Variants in TEAD1 observed in about 807,000 individuals in gnomAD.
TEAD1 encodes transcriptional enhancer factor TEF-1.
Under a neutral mutation model 54.9 loss-of-function variants are expected in TEAD1, and 9 were observed. The ratio of observed to expected loss-of-function variants is 0.16; its 90% CI spans 0.10 to 0.29. The LOEUF (loss-of-function observed/expected upper bound fraction) is 0.29. Among genes scored for constraint, TEAD1 ranks in the 10% least tolerant of loss-of-function variants. The pLI is 1.00. For synonymous variants in TEAD1, 200 were observed against 187.8 expected (o/e 1.07, Z -0.53); for missense variants, 387 against 535.9 (o/e 0.72, Z 2.74).
chr11:12,890,455 T>C (rs1233566947), intron 9 of TEAD1, among the ~76,000 whole-genome samples: 1 of 152,192 alleles, frequency 6.6e-6, no homozygotes, highest in East Asian at 1.9e-4. Context: ...CATGCTCTAG[T>C]GGCAGCAAAG....
Position 12,937,112 on chromosome 11 carries a change from G to T in TEAD1, c.1171G>T (p.Val391Leu), listed in dbSNP as rs1949116510. The change falls in exon 13 of 13, where the codon GTA (valine) becomes TTA (leucine). Residue 391 changes from valine (V) to leucine (L), a missense_variant. By Grantham distance (32) the Val-to-Leu change is conservative. Coordinates refer to ENST00000527636, the MANE Select transcript of TEAD1 (RefSeq NM_021961.6). ...TACTTTTTTTTTATCTTAACAGGTG[G>T]TAACAAACAGGGATACACAAGAAAC... 1 of 1,611,242 alleles carries T rather than the reference G, an allele frequency of 6.2e-7. No individual in the cohort carries two copies. Among genetic ancestry groups the T allele is most frequent in the African/African-American group, 1.3e-5 (1 of 74,906 alleles).
chr11:12,925,137 A>G (rs1001065804), intron 11 of TEAD1, 85 bp downstream of exon 11: 23 of 1,500,122 alleles, frequency 1.5e-5, no homozygotes, highest in Non-Finnish European at 2.1e-5. Context: ...AGAGAGTTGT[A>G]TTTTTGGATG....
rs10630085 is a variant in TEAD1 at position 12,792,355 on chromosome 11, TA to T, written c.202+27940del. On this transcript the variant is annotated intron_variant, in intron 3 of 12. Transcript: ENST00000527636. ...GAAAAGGAAAGTAAAGGGAAAATAG[TA>T]AAAAAAAAAAAAAAAAAAGTCCTAT... Among the ~76,000 whole-genome samples the T allele has an allele frequency of 9.0e-3, 883 of 98,622 alleles. 7 individuals carry two copies. The highest frequency in any genetic ancestry group is 0.024 in the African/African-American group (641 of 26,578). 64.7% of individuals were successfully genotyped at this position (98,622 alleles called of 152,430 possible).
At chr11:12,679,707 G>T (rs1943176003) in intron 2 of TEAD1, among the ~76,000 whole-genome samples, 1 of 151,694 alleles carries the variant, frequency 6.6e-6, no homozygotes, top group African/African-American at 2.4e-5. Flanking sequence ...CTCTGCTCTT[G>T]GATGGTGTTC....
chr11:12,881,274 G>C (rs1447430835), intron 7 of TEAD1, among the ~76,000 whole-genome samples: 1 of 152,122 alleles, frequency 6.6e-6, no homozygotes, highest in Non-Finnish European at 1.5e-5. Context: ...CCCACCTTAA[G>C]TATTAGCAGT....
chr11:12,755,841 G>A (rs1944973628), intron 2 of TEAD1, among the ~76,000 whole-genome samples: 1 of 152,130 alleles, frequency 6.6e-6, no homozygotes. Flanking sequence ...TCCTTTTGAA[G>A]GAGTCCACTG....
chr11:12,807,797 C>T (rs150144191), intron 3 of TEAD1, among the ~76,000 whole-genome samples: 1 of 152,252 alleles, frequency 6.6e-6, no homozygotes, highest in East Asian at 1.9e-4. Context: ...TGAAGTAGGT[C>T]GTGCTTTGAA....
At chr11:12,920,828 T>C (rs1235856693) in intron 10 of TEAD1, among the ~76,000 whole-genome samples, 1 of 152,204 alleles carries the variant, frequency 6.6e-6, no homozygotes, top group Admixed American at 6.5e-5. Context: ...TATTGCAGCA[T>C]CATTGGGAAG....
intron 3 of TEAD1, chr11:12,823,421 T>C (rs1003571683): frequency 2.0e-5 from 3 of 152,192 alleles, no homozygotes; most frequent in Non-Finnish European, 4.4e-5. Context: ...GAGAAGTGCC[T>C]AGTCCCTGAA....
intron 2 of TEAD1, among the ~76,000 whole-genome samples, chr11:12,713,222 G>A (rs1943981252): frequency 6.6e-6 from 1 of 152,044 alleles, no homozygotes; most frequent in African/African-American, 2.4e-5. Flanking sequence ...GTCTTGTCAT[G>A]TTGCCCAGGA....
At chr11:12,841,809 G>A (rs531633687) in intron 3 of TEAD1, among the ~76,000 whole-genome samples, 1 of 152,294 alleles carries the variant, frequency 6.6e-6, no homozygotes, top group South Asian at 2.1e-4. Context: ...GACCTTTGGG[G>A]AAACTGAGGC....
At chr11:12,837,380 C>T (rs1946915315) in intron 3 of TEAD1, among the ~76,000 whole-genome samples, 1 of 152,164 alleles carries the variant, frequency 6.6e-6, no homozygotes, top group Admixed American at 6.5e-5. Context: ...ACGGACAGGG[C>T]AGTTTTGGCT....
intron 3 of TEAD1, among the ~76,000 whole-genome samples, chr11:12,855,287 T>A (rs1564964888): frequency 2.6e-5 from 4 of 152,214 alleles, no homozygotes; most frequent in Middle Eastern, 3.4e-3. Flanking sequence ...CTTTTTTCTT[T>A]CTTTCTTTTT....
rs1943123502 is a variant in TEAD1, at chr11:12,677,537, C to T, written c.-55+1976C>T. ...AGGAAAAAAATGTTCGAGTTTTTTTCCCTGCTTGAGCTTCAGCAGTTTATA... is the reference window on the plus strand; with the variant it reads ...AGGAAAAAAATGTTCGAGTTTTTTTTCCTGCTTGAGCTTCAGCAGTTTATA... On this transcript the variant is annotated intron_variant, in intron 2 of 12. Transcript: ENST00000527636. Among the ~76,000 whole-genome samples the T allele has an allele frequency of 2.0e-5, 3 of 152,092 alleles. No homozygotes were observed. In the South Asian group the frequency reaches 6.2e-4, roughly 32 times the overall value.
intron 2 of TEAD1, among the ~76,000 whole-genome samples, chr11:12,761,393 A>G (rs1480249771): frequency 6.6e-6 from 1 of 152,218 alleles, no homozygotes; most frequent in Non-Finnish European, 1.5e-5. Context: ...GAGGTTGTTT[A>G]GTGTCTTAGA....
chr11:12,753,378 GCT>G (rs1944917506), intron 2 of TEAD1, among the ~76,000 whole-genome samples: 1 of 152,074 alleles, frequency 6.6e-6, no homozygotes, highest in African/African-American at 2.4e-5. Flanking sequence ...ACCAATTTGC[GCT>G]CTCATCAGTT....
At chr11:12,842,510 C>T (rs1947061758) in intron 3 of TEAD1, among the ~76,000 whole-genome samples, 1 of 152,124 alleles carries the variant, frequency 6.6e-6, no homozygotes, top group South Asian at 2.1e-4. Context: ...CTTAGCCTGT[C>T]CTGTAAATTC....
At position 12,929,163 on chromosome 11, in the gene TEAD1, C is replaced by CGTGTGTGTGTGTGTGT. The variant is rs60060462; in HGVS notation, c.1015-988_1015-973dup. On this transcript the variant is annotated intron_variant, in intron 11 of 12. Coordinates refer to ENST00000527636, the MANE Select transcript of TEAD1 (RefSeq NM_021961.6). Reference sequence around the variant, plus strand: ...ATCTGCTGTGTTTTCTTTGCTTTGCCGTGTGTGTGTGTGTGTGTGTGTGTG... The same window carrying CGTGTGTGTGTGTGTGT: ...ATCTGCTGTGTTTTCTTTGCTTTGCCGTGTGTGTGTGTGTGTGTGTGTGTGTGTGTGTGTGTGTGTG... Among the ~76,000 whole-genome samples, 836 of 106,764 alleles carry CGTGTGTGTGTGTGTGT rather than the reference C, an allele frequency of 7.8e-3. 13 individuals are homozygous for CGTGTGTGTGTGTGTGT. Among genetic ancestry groups the CGTGTGTGTGTGTGTGT allele is most frequent in the East Asian group, 0.034 (136 of 3,956 alleles). 70.0% of individuals were successfully genotyped at this position (106,764 alleles called of 152,430 possible).
intron 3 of TEAD1, among the ~76,000 whole-genome samples, chr11:12,858,060 G>A (rs186620051): frequency 5.8e-4 from 89 of 152,220 alleles, no homozygotes; most frequent in South Asian, 1.5e-3. Context: ...AGCCGAGATC[G>A]TGCCACTGCA....
Sources: allele counts gnomAD v4.1 joint callset (sites outside exome capture counted in the v4.1 genomes callset), GRCh38; gene constraint gnomAD v4.1.1; transcripts MANE v1.5; gene names NCBI Gene and HGNC (gene_info 2026-07-23, HGNC 2026-07-21).